YPEL2: variants seen among roughly 807,000 people sequenced by gnomAD.
YPEL2 encodes yippee like 2, also known as protein yippee-like 2.
In YPEL2, 2 loss-of-function variants were observed where a neutral mutation model predicts 19.1. The observed-to-expected ratio is 0.10, with a 90% CI of 0.04 to 0.33. YPEL2 has a LOEUF of 0.33. Ranked by LOEUF, YPEL2 falls within the 10% of genes least tolerant of loss-of-function variation. The pLI is 1.00. For missense variants in YPEL2, 66 were observed against 140.7 expected, an observed-to-expected ratio of 0.47 and a Z score of 2.68; for synonymous variants, 52 against 50.0, an observed-to-expected ratio of 1.04 and a Z score of -0.17.
intron 2 of YPEL2, among the ~76,000 whole-genome samples, chr17:59,371,518 G>C (rs939345713): frequency 3.9e-5 from 6 of 152,232 alleles, no homozygotes; most frequent in Non-Finnish European, 5.9e-5. Flanking sequence ...GTGTTTGTGT[G>C]AGCTGGAGAA....
chr17:59,340,540 C>A (rs2047723643), intron 1 of YPEL2, among the ~76,000 whole-genome samples: 1 of 151,410 alleles, frequency 6.6e-6, no homozygotes, highest in African/African-American at 2.4e-5. Context: ...CTCAGCCTCC[C>A]AAGTAGCTGG....
intron 2 of YPEL2, among the ~76,000 whole-genome samples, chr17:59,372,339 CTTTCTG>C (rs2047900995): frequency 1.3e-5 from 2 of 152,214 alleles, no homozygotes; most frequent in Non-Finnish European, 2.9e-5. Flanking sequence ...CTGACCTTTC[CTTTCTG>C]AAATCTCCTC....
At chr17:59,334,611 T>C (rs1478770308) in intron 1 of YPEL2, among the ~76,000 whole-genome samples, 1 of 135,312 alleles carries the variant, frequency 7.4e-6, no homozygotes, top group Non-Finnish European at 1.5e-5. Flanking sequence ...CACACACGCC[T>C]GATGCAGCCA....
chr17:59,375,444 CT>C lies in YPEL2; in HGVS notation c.118-12881del, dbSNP rs1158354960. ...GGGATTTAGAGTTTCTTAGCTTTTA[CT>C]TATTTGTTTCCAAGAGATTTTAAAT... On this transcript the variant is annotated intron_variant, in intron 2 of 4. Coordinates refer to ENST00000312655, the MANE Select transcript of YPEL2 (RefSeq NM_001005404.4). 2.6e-5 allele frequency among the ~76,000 whole-genome samples: 4 copies of C among 152,288 alleles called. No homozygotes were observed. The East Asian group carries it at 7.7e-4, about 29-fold the overall frequency.
intron 1 of YPEL2, among the ~76,000 whole-genome samples, chr17:59,338,882 A>G (rs568541677): frequency 3.3e-5 from 5 of 152,292 alleles, no homozygotes; most frequent in African/African-American, 1.2e-4. Flanking sequence ...AATTTGTAAC[A>G]AAAACAAGAA....
At chr17:59,358,458 A>G (rs2047824190) in intron 2 of YPEL2, among the ~76,000 whole-genome samples, 1 of 151,766 alleles carries the variant, frequency 6.6e-6, no homozygotes, top group Non-Finnish European at 1.5e-5. Flanking sequence ...ACACCAGTGT[A>G]GTGTAGTGTA....
intron 2 of YPEL2, chr17:59,355,698 T>A (rs2047809499): frequency 6.6e-6 from 1 of 152,132 alleles, no homozygotes; most frequent in Non-Finnish European, 1.5e-5. Context: ...AAGAGCTCAG[T>A]AAATGATAAA....
chr17:59,346,353 C>T (rs1393575142), intron 1 of YPEL2, among the ~76,000 whole-genome samples: 2 of 152,162 alleles, frequency 1.3e-5, no homozygotes, highest in Non-Finnish European at 1.5e-5. Context: ...AAACCTAGAC[C>T]AGCAGTGTAA....
chr17:59,351,914 C>T (rs1361512911), intron 1 of YPEL2, among the ~76,000 whole-genome samples: 1 of 152,154 alleles, frequency 6.6e-6, no homozygotes, highest in Non-Finnish European at 1.5e-5. Context: ...TAGTTGGCCA[C>T]TCAGGAAGGT....
intron 1 of YPEL2, among the ~76,000 whole-genome samples, chr17:59,343,315 A>G (rs2047740785): frequency 1.3e-5 from 2 of 151,912 alleles, no homozygotes; most frequent in South Asian, 2.1e-4. Flanking sequence ...ACATTTATCA[A>G]GGATTTCCAG....
rs573422920 is a variant in YPEL2 at position 59,372,530 on chromosome 17, CTGGT to C, written c.118-15796_118-15793del. On this transcript the variant is annotated intron_variant, in intron 2 of 4. Transcript: ENST00000312655. ...AACACCCACTCTGTGGTCTAACCGG[CTGGT>C]CCTTGTTTAGAAACTAACAAGTTCT... 3.8e-3 allele frequency among the ~76,000 whole-genome samples: 572 copies of C among 152,342 alleles called. 1 individual carries two copies. The highest frequency in any genetic ancestry group is 0.013 in the African/African-American group (556 of 41,574).
rs561156965 is a variant in YPEL2 at position 59,377,616 on chromosome 17, A to G, written c.118-10711A>G. Among the ~76,000 whole-genome samples the G allele has an allele frequency of 1.8e-4, 28 of 152,304 alleles. No individual in the cohort carries two copies. In the South Asian group the frequency reaches 5.6e-3, roughly 30 times the overall value. On this transcript the variant is annotated intron_variant, in intron 2 of 4. Coordinates refer to ENST00000312655, the MANE Select transcript of YPEL2 (RefSeq NM_001005404.4). ...CAGCATCTGCTTTCCCACTGGCTGC[A>G]TGTTTACCTTGGCATCTGCTGTTCT...
At chr17:59,338,119 C>T (rs1352739842) in intron 1 of YPEL2, among the ~76,000 whole-genome samples, 1 of 152,154 alleles carries the variant, frequency 6.6e-6, no homozygotes, top group Admixed American at 6.5e-5. Flanking sequence ...TCAGCCCTCC[C>T]CTGTGGTCTT....
chr17:59,367,904 C>T (rs958758938), intron 2 of YPEL2, among the ~76,000 whole-genome samples: 2 of 152,112 alleles, frequency 1.3e-5, no homozygotes, highest in Non-Finnish European at 2.9e-5. Context: ...GAGTCTGTGG[C>T]ACCATTTGAA....
At chr17:59,368,034 T>C (rs2047879012) in intron 2 of YPEL2, among the ~76,000 whole-genome samples, 1 of 152,142 alleles carries the variant, frequency 6.6e-6, no homozygotes, top group Non-Finnish European at 1.5e-5. Context: ...TAAATCCTAC[T>C]GTATGAAGCA....
In YPEL2 at chr17:59,397,306, C is replaced by A. The variant is rs58549129; in HGVS notation, c.*116C>A. On this transcript the variant is annotated 3_prime_UTR_variant, in exon 5 of 5. Transcript: ENST00000312655. The stretch of plus-strand genomic sequence containing the variant: ...CCATCCATTTAGGGGCCTTGCCATC[C>A]GGGGCATCCTCCCACCCTGACGCCA... 1 of 680,300 alleles carries A rather than the reference C, an allele frequency of 1.5e-6. No individual in the cohort carries two copies. The highest frequency in any genetic ancestry group is 2.3e-6 in the Non-Finnish European group (1 of 437,008). 42.1% of individuals were successfully genotyped at this position (680,300 alleles called of 1,614,324 possible). A position where few individuals can be genotyped will look rare whatever the true frequency, so the allele number is the denominator to read the frequency against.
At chr17:59,381,233 C>T (rs116930042) in intron 2 of YPEL2, among the ~76,000 whole-genome samples, 294 of 152,294 alleles carry the variant, frequency 1.9e-3, no homozygotes, top group Non-Finnish European at 2.9e-3. Context: ...AAGACTAGAT[C>T]CTCTTACACC....
chr17:59,366,971 G>A (rs2047873157), intron 2 of YPEL2, among the ~76,000 whole-genome samples: 1 of 152,202 alleles, frequency 6.6e-6, no homozygotes, highest in East Asian at 1.9e-4. Context: ...TGAGCATCGT[G>A]GGGGCAGGTG....
rs1165877285 is a variant in YPEL2 at position 59,353,332 on chromosome 17, C to T, written c.-78C>T. ...AACCACGGCCTTTACCTGTGTCTTC[C>T]GGTGTTTCCCGTGCGACCCATCCTG... On this transcript the variant is annotated 5_prime_UTR_variant, in exon 2 of 5. Transcript: ENST00000312655. This position sits in a 1 kb window ranked among gnomAD's most constrained non-coding sequence, Gnocchi z 4.8. The T allele has an allele frequency of 8.5e-6, 9 of 1,059,110 alleles. No individual in the cohort carries two copies. Among genetic ancestry groups the T allele is most frequent in the Middle Eastern group, 2.4e-4 (1 of 4,142 alleles). 65.6% of individuals were successfully genotyped at this position (1,059,110 alleles called of 1,614,324 possible).
Sources: allele counts gnomAD v4.1 joint callset (sites outside exome capture counted in the v4.1 genomes callset), GRCh38; gene constraint gnomAD v4.1.1; non-coding constraint Gnocchi (gnomAD v3.1); transcripts MANE v1.5; gene names NCBI Gene and HGNC (gene_info 2026-07-23, HGNC 2026-07-21).